Variants in BTBD9 observed in about 807,000 individuals in gnomAD.
BTBD9 encodes the protein BTB/POZ domain-containing protein 9.
A neutral mutation model predicts 64.3 loss-of-function variants in BTBD9; 49 were observed. That is an observed-to-expected ratio of 0.76 (90% CI 0.61 to 0.97). BTBD9 has a LOEUF of 0.97. Among genes scored for constraint, BTBD9 ranks in the 50% least tolerant of loss-of-function variants. The pLI is 0.00. For missense variants in BTBD9, 598 were observed against 762.1 expected, an observed-to-expected ratio of 0.78 and a Z score of 2.53; for synonymous variants, 260 against 274.7, an observed-to-expected ratio of 0.95 and a Z score of 0.53.
chr6:38,262,691 A>AG (rs1764835373), intron 8 of BTBD9, among the ~76,000 whole-genome samples: 1 of 152,200 alleles, frequency 6.6e-6, no homozygotes, highest in Non-Finnish European at 1.5e-5. Context: ...CAGTGGACTG[A>AG]GGTTTCCAGT....
chr6:38,531,753 T>C (rs1773809807), intron 6 of BTBD9, among the ~76,000 whole-genome samples: 1 of 152,230 alleles, frequency 6.6e-6, no homozygotes, highest in Admixed American at 6.5e-5. Context: ...TGTGTATTAG[T>C]TTGTTTATGC....
At chr6:38,226,241 A>G (rs1250594156) in intron 9 of BTBD9, among the ~76,000 whole-genome samples, 2 of 152,188 alleles carry the variant, frequency 1.3e-5, no homozygotes, top group African/African-American at 2.4e-5. Flanking sequence ...TGGAGAACTG[A>G]TAAGATACTG....
intron 2 of BTBD9, among the ~76,000 whole-genome samples, chr6:38,595,398 C>T (rs960053016): frequency 2.0e-5 from 3 of 151,842 alleles, no homozygotes; most frequent in African/African-American, 7.3e-5. Flanking sequence ...TATTGCTTAT[C>T]TAAAAAAATG....
intron 6 of BTBD9, among the ~76,000 whole-genome samples, chr6:38,436,428 G>A (rs1033937200): frequency 1.4e-5 from 2 of 147,748 alleles, no homozygotes; most frequent in African/African-American, 5.1e-5. Flanking sequence ...CAGGCTGGAG[G>A]GCAACGGCAC....
intron 7 of BTBD9, among the ~76,000 whole-genome samples, chr6:38,311,513 G>T (rs1443107807): frequency 6.6e-6 from 1 of 152,120 alleles, no homozygotes; most frequent in Admixed American, 6.5e-5. Context: ...CCAAATCTTG[G>T]CTATTGTGAA....
intron 6 of BTBD9, among the ~76,000 whole-genome samples, chr6:38,560,055 A>G (rs1279022414): frequency 6.6e-6 from 1 of 152,182 alleles, no homozygotes; most frequent in African/African-American, 2.4e-5. Context: ...CAAAAGCAAT[A>G]GCAACAAAAA....
intron 5 of BTBD9, 26 bp downstream of exon 5, chr6:38,580,192 G>C (rs770243099): frequency 6.2e-7 from 1 of 1,601,452 alleles, no homozygotes; most frequent in South Asian, 1.1e-5. Context: ...CATAATGTCA[G>C]TTTCTAAGTC....
chr6:38,283,066 G>A (rs1477426892), intron 8 of BTBD9, among the ~76,000 whole-genome samples: 1 of 152,182 alleles, frequency 6.6e-6, no homozygotes, highest in Non-Finnish European at 1.5e-5. Context: ...CGAAAATGCG[G>A]GTATAGAGAG....
At chr6:38,623,132 C>A (rs1296511402) in intron 1 of BTBD9, among the ~76,000 whole-genome samples, 1 of 152,168 alleles carries the variant, frequency 6.6e-6, no homozygotes. Context: ...TTTTAACATA[C>A]ACAACCAGTT....
intron 1 of BTBD9, among the ~76,000 whole-genome samples, chr6:38,619,569 C>T (rs1018044170): frequency 1.2e-4 from 18 of 152,154 alleles, no homozygotes; most frequent in African/African-American, 4.3e-4. Context: ...TTCTCTGGGC[C>T]AGAAGCCCCC....
chr6:38,538,030 C>A (rs564816152), intron 6 of BTBD9, among the ~76,000 whole-genome samples: 1 of 152,162 alleles, frequency 6.6e-6, no homozygotes, highest in Non-Finnish European at 1.5e-5. Context: ...GAAAAATAAC[C>A]TTCTACTTTT....
At chr6:38,556,197 A>ACATC in intron 6 of BTBD9, among the ~76,000 whole-genome samples, 1 of 152,318 alleles carries the variant, frequency 6.6e-6, no homozygotes, top group East Asian at 1.9e-4. Flanking sequence ...ATCCCAAGGT[A>ACATC]CATCCTAACA....
chr6:38,398,659 G>C (rs1369984578), intron 6 of BTBD9, among the ~76,000 whole-genome samples: 1 of 152,108 alleles, frequency 6.6e-6, no homozygotes, highest in Non-Finnish European at 1.5e-5. Flanking sequence ...AGAAAAGAAG[G>C]AAACCCCCAA....
chr6:38,460,914 C>T (rs1476349145), intron 6 of BTBD9, among the ~76,000 whole-genome samples: 7 of 152,180 alleles, frequency 4.6e-5, no homozygotes, highest in African/African-American at 1.4e-4. Flanking sequence ...TGAGCCACCA[C>T]GCCCGGCCCC....
At chr6:38,450,677 C>CT (rs1467386550) in intron 6 of BTBD9, among the ~76,000 whole-genome samples, 1 of 152,134 alleles carries the variant, frequency 6.6e-6, no homozygotes, top group East Asian at 1.9e-4. Flanking sequence ...TAGTGCTTCT[C>CT]TAAGTGTTGT....
chr6:38,637,634 T>A lies in BTBD9; in HGVS notation c.-28+2166A>T, dbSNP rs114836800. Among the ~76,000 whole-genome samples the A allele has an allele frequency of 2.0e-5, 3 of 152,328 alleles. 1 individual carries two copies. The South Asian group carries it at 6.2e-4, about 32-fold the overall frequency. Reference sequence around the variant, plus strand: ...GTCACTGAGTGTGACTGGATGACTATTGGTACATCATTTCAGTAAATTTCC... The same window carrying A: ...GTCACTGAGTGTGACTGGATGACTAATGGTACATCATTTCAGTAAATTTCC... On this transcript the variant is annotated intron_variant, in intron 1 of 10. Transcript: ENST00000481247.
At chr6:38,423,826 A>T (rs1158284120) in intron 6 of BTBD9, among the ~76,000 whole-genome samples, 1 of 152,108 alleles carries the variant, frequency 6.6e-6, no homozygotes, top group Non-Finnish European at 1.5e-5. Context: ...ATGTCTTCAG[A>T]ATTAAAAATT....
chr6:38,185,387 T>G (rs1271992621), intron 10 of BTBD9, among the ~76,000 whole-genome samples: 2 of 152,210 alleles, frequency 1.3e-5, no homozygotes. Context: ...AGCCACCTGC[T>G]TATCAATGCC....
intron 9 of BTBD9, among the ~76,000 whole-genome samples, chr6:38,240,693 G>A (rs887481305): frequency 6.6e-6 from 1 of 152,146 alleles, no homozygotes; most frequent in Non-Finnish European, 1.5e-5. Flanking sequence ...CCATATTAAA[G>A]CAATGTGAAG....
Sources: gnomAD v4.1 joint callset for allele counts (sites outside exome capture counted in the v4.1 genomes callset) on GRCh38, gnomAD v4.1.1 for gene constraint, MANE v1.5 for transcripts, NCBI Gene and HGNC (gene_info 2026-07-23, HGNC 2026-07-21) for gene names.